The following SMYD4 variants were observed in gnomAD, a reference collection of about 807,000 sequenced individuals.
SMYD4 encodes SET and MYND domain containing 4.
In SMYD4, 68 loss-of-function variants were observed where a neutral mutation model predicts 72.8. That is an observed-to-expected ratio of 0.93 (90% CI 0.77 to 1.14). SMYD4 has a LOEUF of 1.14. Among genes scored for constraint, SMYD4 ranks in the 50% most tolerant of loss-of-function variants. SMYD4 has a pLI of 0.00. For synonymous variants in SMYD4, 407 were observed against 388.6 expected (o/e 1.05, Z -0.56); for missense variants, 984 against 1,003.7 (o/e 0.98, Z 0.27).
chr17:1,805,768 T>A (rs543346077), intron 3 of SMYD4, among the ~76,000 whole-genome samples: 44 of 150,956 alleles, frequency 2.9e-4, no homozygotes, highest in African/African-American at 1.0e-3. Context: ...GCTGAGATCA[T>A]ACCACTGCAC....
chr17:1,787,332 T>TGAA, intron 6 of SMYD4, 90 bp downstream of exon 6: 1 of 1,475,194 alleles, frequency 6.8e-7, no homozygotes, highest in Admixed American at 2.0e-5. Context: ...AGTAGACAGG[T>TGAA]GAAGTCACAT....
Position 1,821,846 on chromosome 17 carries a change from G to A in SMYD4, c.134+6015C>T, listed in dbSNP as rs954295887. On this transcript the variant is annotated intron_variant, in intron 2 of 10. Transcript: ENST00000305513. ...CTTGGGTGGCTGAGGCATGAGAATCGCTTGAACCTGGGAGGCAGAGGTTGC... is the reference window on the plus strand; with the variant it reads ...CTTGGGTGGCTGAGGCATGAGAATCACTTGAACCTGGGAGGCAGAGGTTGC... 9.9e-5 allele frequency among the ~76,000 whole-genome samples: 15 copies of A among 151,610 alleles called. No homozygotes were observed. In the East Asian group the frequency reaches 2.9e-3, roughly 30 times the overall value.
At chr17:1,816,455 C>T (rs930452571) in intron 2 of SMYD4, among the ~76,000 whole-genome samples, 5 of 151,460 alleles carry the variant, frequency 3.3e-5, no homozygotes, top group African/African-American at 1.2e-4. Flanking sequence ...CCCGTCTCTA[C>T]CAAAAATACA....
rs572298266 is a variant in SMYD4, at chr17:1,798,069, G to A, written c.1537+1788C>T. The stretch of plus-strand genomic sequence containing the variant: ...ACTGGGCCTCTTCTTTCTGCAGTCT[G>A]GTTTGACTATTATTTCTGCCCTCCC... On this transcript the variant is annotated intron_variant, in intron 5 of 10. Transcript: ENST00000305513. 3.3e-5 allele frequency among the ~76,000 whole-genome samples: 5 copies of A among 151,766 alleles called. No individual in the cohort carries two copies. The East Asian group carries it at 7.8e-4, about 24-fold the overall frequency.
At chr17:1,790,359 A>G (rs1184715044) in intron 5 of SMYD4, among the ~76,000 whole-genome samples, 1 of 152,188 alleles carries the variant, frequency 6.6e-6, no homozygotes, top group Non-Finnish European at 1.5e-5. Context: ...AAAATTACTC[A>G]GTATTGTGCA....
intron 5 of SMYD4, 109 bp from the exon 6 acceptor site, chr17:1,787,713 G>A: frequency 8.9e-7 from 1 of 1,120,298 alleles, no homozygotes; most frequent in Non-Finnish European, 1.2e-6. Flanking sequence ...GCCCGTGTGA[G>A]TCATGGCTCC....
chr17:1,785,786 A>G (rs1281224851), intron 7 of SMYD4, among the ~76,000 whole-genome samples: 1 of 147,472 alleles, frequency 6.8e-6, no homozygotes, highest in Non-Finnish European at 1.5e-5. Flanking sequence ...GAAAAAAAAA[A>G]AAACTAATAG....
chr17:1,794,007 G>GTATATATATATGTA (rs1909208896), intron 5 of SMYD4, among the ~76,000 whole-genome samples: 1 of 81,244 alleles, frequency 1.2e-5, no homozygotes, highest in African/African-American at 5.5e-5. Flanking sequence ...ATATATATAT[G>GTATATATATATGTA]TATATATATA....
Position 1,779,618 on chromosome 17 carries a change from G to C in SMYD4, c.*1668C>G, listed in dbSNP as rs1008183944. 3.3e-4 allele frequency: 51 copies of C among 152,264 alleles called. No homozygotes were observed. 9.4% of individuals were successfully genotyped at this position (152,264 alleles called of 1,614,324 possible). A position where few individuals can be genotyped will look rare whatever the true frequency, so the allele number is the denominator to read the frequency against. On this transcript the variant is annotated 3_prime_UTR_variant, in exon 11 of 11. Coordinates refer to ENST00000305513, the MANE Select transcript of SMYD4 (RefSeq NM_052928.3). The stretch of plus-strand genomic sequence containing the variant: ...TGCCAAGAGTACAGAATGAAGGGCA[G>C]AGAGTAAGGACTGGAAAACTGGCAG...
chr17:1,801,866 C>T (rs1003388490), intron 4 of SMYD4, among the ~76,000 whole-genome samples: 2 of 151,892 alleles, frequency 1.3e-5, no homozygotes, highest in African/African-American at 2.4e-5. Flanking sequence ...GTCCCAGCTA[C>T]TCAGCAGGCT....
At chr17:1,824,152 G>A (rs1016361297) in intron 2 of SMYD4, among the ~76,000 whole-genome samples, 3 of 152,092 alleles carry the variant, frequency 2.0e-5, no homozygotes, top group African/African-American at 4.8e-5. Context: ...AGACCAGCCT[G>A]GCCAACATGG....
intron 3 of SMYD4, among the ~76,000 whole-genome samples, chr17:1,806,048 C>G (rs1021407164): frequency 6.6e-6 from 1 of 151,544 alleles, no homozygotes; most frequent in Non-Finnish European, 1.5e-5. Context: ...CTCAGTGCCC[C>G]CGAGTAGCTG....
intron 3 of SMYD4, 58 bp from the exon 4 acceptor site, chr17:1,804,773 T>C: frequency 2.6e-6 from 4 of 1,547,266 alleles, no homozygotes; most frequent in Non-Finnish European, 3.6e-6. Context: ...CTGAAGAACA[T>C]TTTTCAGATA....
chr17:1,824,270 G>C (rs889978797), intron 2 of SMYD4, among the ~76,000 whole-genome samples: 51 of 152,270 alleles, frequency 3.3e-4, no homozygotes, highest in African/African-American at 1.1e-3. Context: ...TTGAACCCAC[G>C]AGGCACAAGT....
intron 4 of SMYD4, among the ~76,000 whole-genome samples, chr17:1,802,433 A>C (rs1909818630): frequency 6.6e-6 from 1 of 151,466 alleles, no homozygotes; most frequent in Non-Finnish European, 1.5e-5. Flanking sequence ...GTTTGAGATC[A>C]CAGTTAGCTA....
chr17:1,812,878 A>T (rs1175201470), intron 2 of SMYD4, among the ~76,000 whole-genome samples: 1 of 151,158 alleles, frequency 6.6e-6, no homozygotes, highest in Non-Finnish European at 1.5e-5. Context: ...CTGAAGGCTA[A>T]TTTTTTATTC....
intron 5 of SMYD4, among the ~76,000 whole-genome samples, chr17:1,797,366 G>C (rs1174658589): frequency 6.6e-6 from 1 of 152,190 alleles, no homozygotes; most frequent in African/African-American, 2.4e-5. Flanking sequence ...AAAATAGAAA[G>C]ACTACAAATG....
intron 2 of SMYD4, among the ~76,000 whole-genome samples, chr17:1,825,028 T>C (rs973725789): frequency 5.3e-5 from 8 of 152,174 alleles, no homozygotes; most frequent in African/African-American, 1.9e-4. Context: ...TCCACCATGA[T>C]GGTAAGTTTC....
chr17:1,800,918 A>G lies in SMYD4; in HGVS notation c.476T>C (p.Leu159Pro), dbSNP rs1371474539. ...KAECLVALGR[L>P]QEASQTISDL... ...ACTGATGGTCTGGCTTGCCTCCTGC[A>G]GTCTCCCCAGGGCCACCAGACATTC... The change falls in exon 5 of 11, where the codon CTG becomes CCG. Residue 159 changes from leucine to proline, a missense_variant. Leu to Pro is a moderately conservative substitution (Grantham distance 98, BLOSUM62 -3). Transcript: ENST00000305513. 6.2e-7 allele frequency: 1 copy of G among 1,614,088 alleles called. No homozygotes were observed. The highest frequency in any genetic ancestry group is 8.5e-7 in the Non-Finnish European group (1 of 1,180,046).
Sources: gnomAD v4.1 joint callset for allele counts (sites outside exome capture counted in the v4.1 genomes callset) on GRCh38, gnomAD v4.1.1 for gene constraint, MANE v1.5 for transcripts, NCBI Gene and HGNC (gene_info 2026-07-23, HGNC 2026-07-21) for gene names.